The following FIG4 variants were observed in gnomAD, a reference collection of about 807,000 sequenced individuals.
FIG4 encodes the protein FIG4 phosphoinositide 5-phosphatase.
In FIG4, 112 loss-of-function variants were observed where a neutral mutation model predicts 118.6. The observed-to-expected ratio is 0.94, with a 90% CI of 0.81 to 1.11. The LOEUF is 1.11. FIG4 is among the 50% of genes least tolerant of loss of function. The pLI is 0.00. For synonymous variants in FIG4, 369 were observed against 381.2 expected (o/e 0.97, Z 0.37); for missense variants, 969 against 1,111.7 (o/e 0.87, Z 1.83).
intron 1 of FIG4, among the ~76,000 whole-genome samples, chr6:109,713,592 G>A (rs1775336247): frequency 2.0e-5 from 3 of 152,162 alleles, no homozygotes; most frequent in Admixed American, 1.3e-4. Context: ...GAGGTGGATT[G>A]CACCCCCAAC....
At chr6:109,725,392 T>G (rs569857214) in intron 3 of FIG4, among the ~76,000 whole-genome samples, 1 of 152,334 alleles carries the variant, frequency 6.6e-6, no homozygotes, top group African/African-American at 2.4e-5. Flanking sequence ...CTGAGAATGA[T>G]GGTTTCCTGC....
chr6:109,766,948 G>A (rs1472830808), intron 15 of FIG4, 53 bp downstream of exon 15: 6 of 1,471,014 alleles, frequency 4.1e-6, no homozygotes, highest in Admixed American at 3.3e-5. Flanking sequence ...TGCATTTTTT[G>A]TATGTCTTTT....
Position 109,786,376 on chromosome 6 carries a change from A to C in FIG4, c.2023A>C (p.Asn675His). 1 of 1,613,946 alleles carries C rather than the reference A, an allele frequency of 6.2e-7. No individual in the cohort carries two copies. The highest frequency in any genetic ancestry group is 8.5e-7 in the Non-Finnish European group (1 of 1,179,794). The change falls in exon 18 of 23, where the codon AAT becomes CAT. Residue 675 changes from asparagine (N) to histidine (H), a missense_variant. Transcript: ENST00000230124. The stretch of plus-strand genomic sequence containing the variant: ...ATATGAAGAAGAGATTGATATCCAC[A>C]ATGAGTTCTTTCGGCCATATGAGTT... Reference protein sequence around the residue: ...HKYEEEIDIHNEFFRPYELSS... With the variant: ...HKYEEEIDIHHEFFRPYELSS...
At chr6:109,799,994 T>C (rs1478162214) in intron 22 of FIG4, among the ~76,000 whole-genome samples, 1 of 152,134 alleles carries the variant, frequency 6.6e-6, no homozygotes, top group African/African-American at 2.4e-5. Flanking sequence ...ATGGGCACTG[T>C]TCTGTGTACC....
intron 22 of FIG4, among the ~76,000 whole-genome samples, chr6:109,807,925 T>C (rs1294576053): frequency 2.6e-5 from 4 of 152,168 alleles, no homozygotes; most frequent in African/African-American, 7.2e-5. Context: ...GTGATGTTTT[T>C]TCTGAGGCCT....
In FIG4 at chr6:109,719,274, G is replaced by C. The variant is rs1357824515; in HGVS notation, c.289+2706G>C. On this transcript the variant is annotated intron_variant, in intron 3 of 22. Transcript: ENST00000230124. ...GTATATACTATTGAATGCCTTATTG[G>C]CCAGATTTTATTATTCATAATTGAA... is the stretch of plus-strand genomic sequence containing the variant. Among the ~76,000 whole-genome samples the C allele has an allele frequency of 1.3e-5, 2 of 152,072 alleles. 1 individual carries two copies. Among genetic ancestry groups the C allele is most frequent in the Non-Finnish European group, 2.9e-5 (2 of 68,008 alleles).
chr6:109,786,554 G>C (rs2128396306), intron 18 of FIG4, 105 bp downstream of exon 18: 2 of 1,274,186 alleles, frequency 1.6e-6, no homozygotes, highest in East Asian at 2.3e-5. Context: ...TAGGCCTTCT[G>C]TCAGGTGGGT....
chr6:109,726,487 G>A (rs935538418), intron 3 of FIG4, among the ~76,000 whole-genome samples: 4 of 152,094 alleles, frequency 2.6e-5, no homozygotes, highest in Admixed American at 6.6e-5. Context: ...GTACCATGCT[G>A]TTTTGGTTAC....
At chr6:109,798,842 C>A (rs79788392) in intron 22 of FIG4, among the ~76,000 whole-genome samples, 5,024 of 151,814 alleles carry the variant, frequency 0.033, 115 homozygotes, top group Non-Finnish European at 0.053. Flanking sequence ...GCATATAAGC[C>A]CCTATTAATT....
At chr6:109,751,337 C>T (rs537569716) in intron 10 of FIG4, among the ~76,000 whole-genome samples, 24 of 152,248 alleles carry the variant, frequency 1.6e-4, no homozygotes, top group Non-Finnish European at 3.1e-4. Context: ...TGAGGATTTT[C>T]GCCTCGATGT....
chr6:109,736,114 A>G (rs1776152864), intron 6 of FIG4, among the ~76,000 whole-genome samples: 1 of 152,184 alleles, frequency 6.6e-6, no homozygotes, highest in Admixed American at 6.5e-5. Context: ...AGTTGTGTTC[A>G]GCTGACTGTG....
At chr6:109,696,360 C>A (rs1774719821) in intron 1 of FIG4, among the ~76,000 whole-genome samples, 1 of 152,166 alleles carries the variant, frequency 6.6e-6, no homozygotes, top group Admixed American at 6.5e-5. Context: ...TTATAATACG[C>A]ATTTTCCATG....
In FIG4 at chr6:109,817,567, G is replaced by T. The variant is rs4527747; in HGVS notation, c.2547-7521G>T. ...TTATTTTACAGCTCTCAGAGAGTGTGTAAAAAAAAAAAAAAAGAGTATAAT... is the reference window on the plus strand; with the variant it reads ...TTATTTTACAGCTCTCAGAGAGTGTTTAAAAAAAAAAAAAAAGAGTATAAT... On this transcript the variant is annotated intron_variant, in intron 22 of 22. Transcript: ENST00000230124. 3.4e-5 allele frequency among the ~76,000 whole-genome samples: 5 copies of T among 147,002 alleles called. No individual in the cohort carries two copies. In the South Asian group the frequency reaches 6.4e-4, roughly 19 times the overall value.
chr6:109,825,015 T>C, intron 22 of FIG4, 73 bp from the exon 23 acceptor site: 1 of 1,417,940 alleles, frequency 7.1e-7, no homozygotes, highest in Non-Finnish European at 9.9e-7. Flanking sequence ...TCTCAAGTGC[T>C]TCTGAGACTG....
chr6:109,783,432 C>T (rs1777863049), intron 16 of FIG4, among the ~76,000 whole-genome samples: 1 of 152,146 alleles, frequency 6.6e-6, no homozygotes, highest in South Asian at 2.1e-4. Flanking sequence ...CGCTCTAGCG[C>T]CTCCTTCTGT....
At chr6:109,734,694 C>T (rs1031181126) in intron 5 of FIG4, among the ~76,000 whole-genome samples, 6 of 151,948 alleles carry the variant, frequency 3.9e-5, no homozygotes, top group Admixed American at 2.0e-4. Context: ...TTTATGAAGT[C>T]AGTTATGATA....
At chr6:109,784,461 G>A (rs770105546) in intron 16 of FIG4, among the ~76,000 whole-genome samples, 5 of 152,166 alleles carry the variant, frequency 3.3e-5, no homozygotes, top group African/African-American at 2.4e-5. Context: ...TGTCTAATTC[G>A]TTCCTTAATG....
chr6:109,750,151 C>G (rs1767246244), intron 10 of FIG4, among the ~76,000 whole-genome samples: 1 of 152,192 alleles, frequency 6.6e-6, no homozygotes, highest in African/African-American at 2.4e-5. Context: ...CTCTTTTACC[C>G]TGTGTTGCGA....
Position 109,813,820 on chromosome 6 carries a change from G to C in FIG4, c.2547-11268G>C, listed in dbSNP as rs528502133. 2.0e-5 allele frequency among the ~76,000 whole-genome samples: 3 copies of C among 152,292 alleles called. No homozygotes were observed. In the East Asian group the frequency reaches 5.8e-4, roughly 29 times the overall value. On this transcript the variant is annotated intron_variant, in intron 22 of 22. Coordinates refer to ENST00000230124, the MANE Select transcript of FIG4 (RefSeq NM_014845.6). ...GCAGCCATATGGATAGGCCCATAAG[G>C]AACTGATGTGTCCAGCCAACAACTA...
Sources: allele counts gnomAD v4.1 joint callset (sites outside exome capture counted in the v4.1 genomes callset), GRCh38; gene constraint gnomAD v4.1.1; transcripts MANE v1.5; gene names NCBI Gene and HGNC (gene_info 2026-07-23, HGNC 2026-07-21).